The following PRDM16 variants were observed in gnomAD, a reference collection of about 807,000 sequenced individuals.
The protein encoded by PRDM16 is histone-lysine N-methyltransferase PRDM16.
PRDM16 carries 23 observed loss-of-function variants against 110.6 expected under a neutral mutation model. That is an observed-to-expected ratio of 0.21 (90% CI 0.15 to 0.29). The LOEUF is 0.29. PRDM16 is among the 10% of genes least tolerant of loss of function. The pLI, the probability that PRDM16 is intolerant of heterozygous loss-of-function variation, is 1.00. For missense variants in PRDM16, 1,615 were observed against 1,794.3 expected, an observed-to-expected ratio of 0.90 and a Z score of 1.81; for synonymous variants, 799 against 781.8, an observed-to-expected ratio of 1.02 and a Z score of -0.37.
At chr1:3,345,130 G>A (rs1642336919) in intron 3 of PRDM16, among the ~76,000 whole-genome samples, 1 of 152,176 alleles carries the variant, frequency 6.6e-6, no homozygotes, top group Non-Finnish European at 1.5e-5. Flanking sequence ...AGTTCCAGCT[G>A]CCCTGTACCA....
intron 1 of PRDM16, among the ~76,000 whole-genome samples, chr1:3,180,500 C>T (rs887152848): frequency 2.0e-5 from 3 of 152,162 alleles, no homozygotes; most frequent in African/African-American, 4.8e-5. Flanking sequence ...CATCTTGGCC[C>T]CATAGAGAGG....
At chr1:3,199,676 A>G (rs766294820) in intron 2 of PRDM16, among the ~76,000 whole-genome samples, 70 of 152,250 alleles carry the variant, frequency 4.6e-4, no homozygotes, top group Non-Finnish European at 8.2e-4. Context: ...GAGCCTCTCT[A>G]GTGCATGAAG....
At chr1:3,219,459 G>A (rs1161379052) in intron 2 of PRDM16, among the ~76,000 whole-genome samples, 1 of 152,158 alleles carries the variant, frequency 6.6e-6, no homozygotes, top group Non-Finnish European at 1.5e-5. Context: ...CTTTCCCCTT[G>A]GAGCTGGGGC....
rs1644166679 is a variant in PRDM16 at position 3,181,232 on chromosome 1, G to GGTCTTACACACGCA, written c.38-4882_38-4881insGCAGTCTTACACAC. On this transcript the variant is annotated intron_variant, in intron 1 of 16. Coordinates refer to ENST00000270722, the MANE Select transcript of PRDM16 (RefSeq NM_022114.4). ...GTCTTACACACGCAGTCTTACACACGGTCTTACACACAGTCTTACACACGC... is the reference window on the plus strand; with the variant it reads ...GTCTTACACACGCAGTCTTACACACGGTCTTACACACGCAGTCTTACACACAGTCTTACACACGC... 3.8e-5 allele frequency among the ~76,000 whole-genome samples: 3 copies of GGTCTTACACACGCA among 78,194 alleles called. 1 individual carries two copies. In the East Asian group the frequency reaches 1.2e-3, roughly 32 times the overall value. 51.3% of individuals were successfully genotyped at this position (78,194 alleles called of 152,430 possible). A position where few individuals can be genotyped will look rare whatever the true frequency, so the allele number is the denominator to read the frequency against.
In PRDM16 at chr1:3,430,993, G is replaced by T; in HGVS notation, c.3406G>T (p.Gly1136Trp). The T allele has an allele frequency of 6.2e-7, 1 of 1,600,976 alleles. No homozygotes were observed. The highest frequency in any genetic ancestry group is 1.3e-5 in the African/African-American group (1 of 74,750). ...GGAGGACGATGAGGACAGCCTGGCC[G>T]GGAAGTCGCAGGATGACACCGTGTC... is the stretch of plus-strand genomic sequence containing the variant. ...LEEDDEDSLA[G>W]KSQDDTVSPA... The change falls in exon 15 of 17, where the codon GGG becomes TGG. Residue 1136 changes from glycine (G) to tryptophan (W), a missense_variant. Physicochemically the swap from Gly to Trp is radical, Grantham distance 184. Around this residue, in one of 5 missense-constraint regions of PRDM16, gnomAD observed 327 missense variants for 359.3 expected, o/e 0.91. Transcript: ENST00000270722.
chr1:3,173,102 G>A (rs147566115), intron 1 of PRDM16, among the ~76,000 whole-genome samples: 15 of 152,304 alleles, frequency 9.8e-5, no homozygotes, highest in Non-Finnish European at 1.9e-4. Flanking sequence ...CTCTGCTGCC[G>A]CCCAGATGCT....
intron 1 of PRDM16, among the ~76,000 whole-genome samples, chr1:3,153,229 G>A (rs1643807621): frequency 6.6e-6 from 1 of 152,258 alleles, no homozygotes; most frequent in Non-Finnish European, 1.5e-5. Context: ...TCAGGCAATA[G>A]CTCTGGAGTG....
intron 1 of PRDM16, among the ~76,000 whole-genome samples, chr1:3,120,972 G>T (rs1423274052): frequency 6.6e-6 from 1 of 152,250 alleles, no homozygotes; most frequent in Non-Finnish European, 1.5e-5. Context: ...TTTGGGTTTG[G>T]ATTGGAAACA....
In PRDM16 at chr1:3,111,114, G is replaced by C. The variant is rs552188901; in HGVS notation, c.37+41818G>C. Among the ~76,000 whole-genome samples the C allele has an allele frequency of 1.4e-4, 22 of 152,222 alleles. No individual in the cohort carries two copies. The South Asian group carries it at 4.1e-3, about 29-fold the overall frequency. ...AGGCTCCACGCTGGCTCACGTGCAGGGGCCCAGGGATTCCCAGGGCAGGCC... is the reference window on the plus strand; with the variant it reads ...AGGCTCCACGCTGGCTCACGTGCAGCGGCCCAGGGATTCCCAGGGCAGGCC... On this transcript the variant is annotated intron_variant, in intron 1 of 16. Coordinates refer to ENST00000270722, the MANE Select transcript of PRDM16 (RefSeq NM_022114.4).
intron 1 of PRDM16, among the ~76,000 whole-genome samples, chr1:3,076,946 C>T (rs1344575743): frequency 2.6e-5 from 4 of 152,134 alleles, no homozygotes; most frequent in East Asian, 3.9e-4. Context: ...GCACACATCT[C>T]GGGGTATGAA....
Position 3,339,038 on chromosome 1 carries a change from C to T in PRDM16, c.439-46114C>T, listed in dbSNP as rs1015834270. Among the ~76,000 whole-genome samples the T allele has an allele frequency of 2.6e-5, 4 of 152,170 alleles. No individual in the cohort carries two copies. The highest frequency in any genetic ancestry group is 9.7e-5 in the African/African-American group (4 of 41,440). On this transcript the variant is annotated intron_variant, in intron 3 of 16. Transcript: ENST00000270722. This position sits in a 1 kb window ranked among gnomAD's most constrained non-coding sequence, Gnocchi z 5.0. ...GGCCAAGGAGAGGCAGTTTGGAGCC[C>T]TGCTGCTGTCTGGGGAGAGTTGCAG...
intron 16 of PRDM16, among the ~76,000 whole-genome samples, chr1:3,433,398 C>T (rs769454844): frequency 3.9e-5 from 6 of 152,266 alleles, no homozygotes; most frequent in Non-Finnish European, 8.8e-5. Flanking sequence ...TGGGAACGGA[C>T]GAGGCTTGGC....
chr1:3,363,583 A>C (rs1204665920), intron 3 of PRDM16, among the ~76,000 whole-genome samples: 1 of 152,040 alleles, frequency 6.6e-6, no homozygotes, highest in Non-Finnish European at 1.5e-5. Flanking sequence ...CCTTTGTGAG[A>C]ATCTTATCCT....
At chr1:3,275,058 G>A (rs1183263978) in intron 3 of PRDM16, among the ~76,000 whole-genome samples, 1 of 152,238 alleles carries the variant, frequency 6.6e-6, no homozygotes, top group Non-Finnish European at 1.5e-5. Flanking sequence ...GCACGGATCT[G>A]GCTGGCTCCC....
At chr1:3,221,233 A>T (rs1639143969) in intron 2 of PRDM16, among the ~76,000 whole-genome samples, 1 of 152,224 alleles carries the variant, frequency 6.6e-6, no homozygotes, top group African/African-American at 2.4e-5. Context: ...CTCTTCAGGG[A>T]AACAGTCTCT....
chr1:3,309,545 C>G (rs1641398803), intron 3 of PRDM16: 1 of 152,280 alleles, frequency 6.6e-6, no homozygotes, highest in South Asian at 2.1e-4. Context: ...GTGCTCATTT[C>G]TCATCTGTAA....
At chr1:3,115,676 C>T (rs900253158) in intron 1 of PRDM16, among the ~76,000 whole-genome samples, 1 of 152,150 alleles carries the variant, frequency 6.6e-6, no homozygotes, top group African/African-American at 2.4e-5. Context: ...AAAGGCCGGG[C>T]TGACCGGGGG....
rs4471209 is a variant in PRDM16, at chr1:3,403,213, G to A, written c.884+215G>A. 0.26 allele frequency among the ~76,000 whole-genome samples: 40,095 copies of A among 152,124 alleles called. 6,498 individuals are homozygous for A. The highest frequency in any genetic ancestry group is 0.61 in the East Asian group (3,124 of 5,132). ...GCGGGCAGAGCAGGTGCAGGATCCC[G>A]TGGCCAGAGCCGCAGGTGTCCCCTG... On this transcript the variant is annotated intron_variant, in intron 6 of 16. Coordinates refer to ENST00000270722, the MANE Select transcript of PRDM16 (RefSeq NM_022114.4).
At chr1:3,115,512 G>A (rs1358776040) in intron 1 of PRDM16, among the ~76,000 whole-genome samples, 4 of 152,224 alleles carry the variant, frequency 2.6e-5, no homozygotes. Flanking sequence ...GCAGTGGAGC[G>A]CCAGCCTAGC....
Sources: allele counts gnomAD v4.1 joint callset (sites outside exome capture counted in the v4.1 genomes callset), GRCh38; gene constraint gnomAD v4.1.1; regional missense constraint gnomAD v4.1.1; non-coding constraint Gnocchi (gnomAD v3.1); transcripts MANE v1.5; gene names NCBI Gene and HGNC (gene_info 2026-07-23, HGNC 2026-07-21).